The following SPEG variants were observed in gnomAD, a reference collection of about 807,000 sequenced individuals.
SPEG encodes the protein striated muscle enriched protein kinase, also known as striated muscle preferentially expressed protein kinase.
A neutral mutation model predicts 300.4 loss-of-function variants in SPEG; 114 were observed. That is an observed-to-expected ratio of 0.38 (90% CI 0.33 to 0.44). The LOEUF is 0.44. Among genes scored for constraint, SPEG ranks in the 20% least tolerant of loss-of-function variants. The pLI, the probability that SPEG is intolerant of heterozygous loss-of-function variation, is 1.00. For missense variants in SPEG, 4,201 were observed against 4,586.2 expected (o/e 0.92, Z 2.43); for synonymous variants, 1,964 against 2,018.9 (o/e 0.97, Z 0.73).
At chr2:219,442,192 G>C in intron 1 of SPEG, 1 of 700,530 alleles carries the variant, frequency 1.4e-6, no homozygotes, top group Non-Finnish European at 1.9e-6. Context: ...CGCTGGATCG[G>C]CGCCTGCCCC....
chr2:219,470,952 T>C (rs1468167919), intron 13 of SPEG, among the ~76,000 whole-genome samples: 2 of 152,104 alleles, frequency 1.3e-5, no homozygotes, highest in Non-Finnish European at 2.9e-5. Context: ...TGGTACTTAC[T>C]GTGTGTGAGG....
intron 13 of SPEG, among the ~76,000 whole-genome samples, chr2:219,470,294 C>T (rs1423866936): frequency 7.3e-6 from 1 of 137,636 alleles, no homozygotes; most frequent in Non-Finnish European, 1.5e-5. Context: ...GACTGTCTGA[C>T]CCTGGTGCCC....
Position 219,435,133 on chromosome 2 carries a change from G to T in SPEG, c.156G>T (p.Ala52=). The change falls in exon 1 of 41, where the codon GCG becomes GCT. Residue 52 remains alanine, a synonymous_variant. Transcript: ENST00000312358. ...APVFLRPLKN[A]AVCAGSDVRL... ...TCTTCCTGCGGCCCCTGAAGAACGC[G>T]GCGGTGTGCGCGGGCAGCGACGTGC... 1 of 1,458,136 alleles carries T rather than the reference G, an allele frequency of 6.9e-7. No homozygotes were observed. Among genetic ancestry groups the T allele is most frequent in the South Asian group, 1.4e-5 (1 of 73,142 alleles). The allele number at this position is 1,458,136 out of a possible 1,614,324, so 90.3% of individuals were successfully genotyped here.
At chr2:219,438,687 C>T (rs983795186) in intron 1 of SPEG, among the ~76,000 whole-genome samples, 3 of 152,246 alleles carry the variant, frequency 2.0e-5, no homozygotes, top group South Asian at 2.1e-4. Flanking sequence ...AAGGCACAGC[C>T]GAGAGAAGAG....
At chr2:219,468,447 G>A in intron 10 of SPEG, 131 bp from the exon 11 acceptor site, 3 of 1,029,206 alleles carry the variant, frequency 2.9e-6, no homozygotes, top group East Asian at 4.9e-5. Context: ...TTCCTCCCCT[G>A]AGTACCCAGA....
intron 1 of SPEG, chr2:219,441,660 C>T: frequency 2.2e-6 from 1 of 452,302 alleles, no homozygotes; most frequent in Middle Eastern, 3.8e-4. Context: ...CATTGCACCC[C>T]TTTCTGTGCC....
intron 6 of SPEG, among the ~76,000 whole-genome samples, chr2:219,455,946 A>G (rs1459146855): frequency 6.6e-6 from 1 of 152,154 alleles, no homozygotes; most frequent in Non-Finnish European, 1.5e-5. Flanking sequence ...TCCCTCAACT[A>G]CAGGTCTCCT....
chr2:219,437,782 C>T (rs926171782), intron 1 of SPEG, among the ~76,000 whole-genome samples: 1 of 152,066 alleles, frequency 6.6e-6, no homozygotes, highest in African/African-American at 2.4e-5. Context: ...CTGTTGCCCA[C>T]CCCCACCAGC....
In SPEG at chr2:219,473,410, G is replaced by A; in HGVS notation, c.4148-94G>A. On this transcript the variant is annotated intron_variant, in intron 16 of 40. Coordinates refer to ENST00000312358, the MANE Select transcript of SPEG (RefSeq NM_005876.5). The surrounding 1 kb of genome is among the most constrained non-coding windows in gnomAD (Gnocchi z 4.6). ...TTCAGCTTTCCCATCTGTAAAAACG[G>A]AACTCAAGTGTTGATGAGGGGTGTT... is the stretch of plus-strand genomic sequence containing the variant. 8.0e-7 allele frequency: 1 copy of A among 1,250,440 alleles called. No individual in the cohort carries two copies. The allele number at this position is 1,250,440 out of a possible 1,614,324, so 77.5% of individuals were successfully genotyped here.
In SPEG at chr2:219,444,816, T is replaced by A; in HGVS notation, c.479-9T>A. 1 of 1,602,278 alleles carries A rather than the reference T, an allele frequency of 6.2e-7. No individual in the cohort carries two copies. Among genetic ancestry groups the A allele is most frequent in the East Asian group, 2.2e-5 (1 of 44,682 alleles). On this transcript the variant is annotated splice_polypyrimidine_tract_variant and intron_variant, in intron 2 of 40. Coordinates refer to ENST00000312358, the MANE Select transcript of SPEG (RefSeq NM_005876.5). The surrounding 1 kb of genome is among the most constrained non-coding windows in gnomAD (Gnocchi z 7.8). The stretch of plus-strand genomic sequence containing the variant: ...GGGTGCCTCAGTCTCACGGTGCTCC[T>A]TTCTCTAGGGGGTTCTGACACCCTG...
In SPEG at chr2:219,477,400, C is replaced by T; in HGVS notation, c.4684C>T (p.Leu1562=). ...GGVYTCTAQN[L]AGEVSCKAEL... ...CGTCTACACCTGCACCGCCCAGAAC[C>T]TGGCGGGTGAGGTCTCCTGCAAAGC... Residue 1562 remains leucine, a synonymous_variant, in exon 20 of 41, where the codon CTG becomes TTG. Transcript: ENST00000312358. The surrounding 1 kb of genome is among the most constrained non-coding windows in gnomAD (Gnocchi z 6.4). 6.2e-7 allele frequency: 1 copy of T among 1,606,420 alleles called. No individual in the cohort carries two copies. Among genetic ancestry groups the T allele is most frequent in the Non-Finnish European group, 8.5e-7 (1 of 1,176,552 alleles).
chr2:219,465,596 G>A (rs139293150), intron 9 of SPEG: 4 of 212,774 alleles, frequency 1.9e-5, no homozygotes, highest in Non-Finnish European at 3.8e-5. Flanking sequence ...ACACCCCCAG[G>A]CTTTGGGGTG....
rs1017328741 is a variant in SPEG at position 219,439,746 on chromosome 2, G to A, written c.388+4381G>A. On this transcript the variant is annotated intron_variant, in intron 1 of 40. Coordinates refer to ENST00000312358, the MANE Select transcript of SPEG (RefSeq NM_005876.5). The surrounding 1 kb of genome is among the most constrained non-coding windows in gnomAD (Gnocchi z 4.5). The stretch of plus-strand genomic sequence containing the variant: ...CAGAGCAGGAACACAGAATCCTGCC[G>A]GCCCCTCCTGGGCCCAGCTGTCCCG... 2.6e-5 allele frequency among the ~76,000 whole-genome samples: 4 copies of A among 152,146 alleles called. No individual in the cohort carries two copies. Among genetic ancestry groups the A allele is most frequent in the Non-Finnish European group, 5.9e-5 (4 of 68,020 alleles).
At chr2:219,442,621 C>A (rs1309400755) in intron 1 of SPEG, among the ~76,000 whole-genome samples, 2 of 145,726 alleles carry the variant, frequency 1.4e-5, no homozygotes, top group African/African-American at 5.1e-5. Flanking sequence ...CCTCCCCCAC[C>A]CCCTTGACAC....
intron 9 of SPEG, chr2:219,466,049 G>A: frequency 6.2e-7 from 1 of 1,604,728 alleles, no homozygotes; most frequent in Non-Finnish European, 8.5e-7. Flanking sequence ...GTTTTTGTCT[G>A]TACACAGGCG....
In SPEG at chr2:219,491,945, T is replaced by C. The variant is rs1427230393; in HGVS notation, c.9461+76T>C. ...CCGGACTCACCTTCTGCCAACACCC[T>C]CTCCCCCGTGCCCCACCTCCCCTGT... On this transcript the variant is annotated intron_variant, in intron 39 of 40. Coordinates refer to ENST00000312358, the MANE Select transcript of SPEG (RefSeq NM_005876.5). 5 of 1,397,490 alleles carry C rather than the reference T, an allele frequency of 3.6e-6. No homozygotes were observed. In the Admixed American group the frequency reaches 6.2e-5, roughly 17 times the overall value. The allele number at this position is 1,397,490 out of a possible 1,614,324, so 86.6% of individuals were successfully genotyped here.
chr2:219,489,190 T>C lies in SPEG; in HGVS notation c.8286T>C (p.Ser2762=). The C allele has an allele frequency of 6.2e-7, 1 of 1,613,940 alleles. No homozygotes were observed. Among genetic ancestry groups the C allele is most frequent in the Non-Finnish European group, 8.5e-7 (1 of 1,179,946 alleles). The change falls in exon 35 of 41, where the codon TCT becomes TCC. Residue 2762 remains serine (S), a synonymous_variant. Coordinates refer to ENST00000312358, the MANE Select transcript of SPEG (RefSeq NM_005876.5). ...CTGGGCAGGGGCCCTTCAGCAACTC[T>C]TCTGAGAAGGTCTTTGTCAGGGGTA... ...NRAGQGPFSN[S]SEKVFVRGTQ...
At chr2:219,475,576 TG>T (rs1692262505) in intron 18 of SPEG, among the ~76,000 whole-genome samples, 1 of 152,168 alleles carries the variant, frequency 6.6e-6, no homozygotes, top group African/African-American at 2.4e-5. Flanking sequence ...TCTCCCTCCT[TG>T]CCTGCCCTGT....
In SPEG at chr2:219,435,158, C is replaced by T. The variant is rs1254336230; in HGVS notation, c.181C>T (p.Arg61Trp). 1 of 1,468,970 alleles carries T rather than the reference C, an allele frequency of 6.8e-7. No individual in the cohort carries two copies. Among genetic ancestry groups the T allele is most frequent in the Non-Finnish European group, 8.9e-7 (1 of 1,119,924 alleles). 91.0% of individuals were successfully genotyped at this position (1,468,970 alleles called of 1,614,324 possible). A position where few individuals can be genotyped will look rare whatever the true frequency, so the allele number is the denominator to read the frequency against. The change falls in exon 1 of 41, where the codon CGG (arginine) becomes TGG (tryptophan). Residue 61 changes from arginine (R) to tryptophan (W), a missense_variant. Coordinates refer to ENST00000312358, the MANE Select transcript of SPEG (RefSeq NM_005876.5). Reference protein sequence around the residue: ...NAAVCAGSDVRLRVVVSGTPQ... With the variant: ...NAAVCAGSDVWLRVVVSGTPQ... ...GGCGGTGTGCGCGGGCAGCGACGTG[C>T]GGCTGCGGGTGGTGGTGAGCGGGAC...
Sources: allele counts gnomAD v4.1 joint callset (sites outside exome capture counted in the v4.1 genomes callset), GRCh38; gene constraint gnomAD v4.1.1; non-coding constraint Gnocchi (gnomAD v3.1); transcripts MANE v1.5; gene names NCBI Gene and HGNC (gene_info 2026-07-23, HGNC 2026-07-21).